FABP12: variants seen among roughly 807,000 people sequenced by gnomAD.
FABP12 encodes fatty acid-binding protein 12.
FABP12 carries 19 observed loss-of-function variants against 13.7 expected under a neutral mutation model. The observed-to-expected ratio is 1.39, with a 90% CI of 0.97 to 2.04. The LOEUF is 2.04. Among genes scored for constraint, FABP12 ranks in the 30% most tolerant of loss-of-function variants. The pLI is 0.00. For missense variants in FABP12, 182 were observed against 164.2 expected (o/e 1.11, Z -0.59); for synonymous variants, 61 against 57.0 (o/e 1.07, Z -0.32).
intron 1 of FABP12, among the ~76,000 whole-genome samples, chr8:81,561,941 A>G (rs1038540915): frequency 2.6e-5 from 4 of 152,316 alleles, no homozygotes; most frequent in Middle Eastern, 6.8e-3. Context: ...TGGGATGCAC[A>G]TGACATAGTA....
intron 1 of FABP12, among the ~76,000 whole-genome samples, chr8:81,584,270 A>G (rs1301854091): frequency 6.6e-6 from 1 of 152,202 alleles, no homozygotes; most frequent in African/African-American, 2.4e-5. Context: ...GTTAGACTGC[A>G]GGAGGTGAGT....
chr8:81,586,162 AAG>A (rs1302459863), intron 1 of FABP12, among the ~76,000 whole-genome samples: 1 of 152,166 alleles, frequency 6.6e-6, no homozygotes, highest in African/African-American at 2.4e-5. Flanking sequence ...TTTTGCTGCA[AAG>A]GACATGATCC....
intron 1 of FABP12, among the ~76,000 whole-genome samples, chr8:81,548,590 G>A (rs1809475317): frequency 6.6e-6 from 1 of 152,156 alleles, no homozygotes; most frequent in Non-Finnish European, 1.5e-5. Flanking sequence ...AATCATTTAT[G>A]AAACTTGGTA....
At chr8:81,550,478 T>C (rs897617845) in intron 1 of FABP12, among the ~76,000 whole-genome samples, 1 of 152,120 alleles carries the variant, frequency 6.6e-6, no homozygotes, top group African/African-American at 2.4e-5. Context: ...TGATGTGAAG[T>C]AGTTTAAAGC....
intron 1 of FABP12, among the ~76,000 whole-genome samples, chr8:81,572,209 T>C (rs551918189): frequency 5.6e-4 from 85 of 152,246 alleles, no homozygotes; most frequent in African/African-American, 1.9e-3. Flanking sequence ...ATACAATGCT[T>C]GGTTTTCCAT....
chr8:81,558,129 C>T (rs1279958478), intron 1 of FABP12, among the ~76,000 whole-genome samples: 1 of 152,202 alleles, frequency 6.6e-6, no homozygotes, highest in Non-Finnish European at 1.5e-5. Flanking sequence ...AACCTTGCTT[C>T]TCTACTGCGT....
At chr8:81,563,755 G>A (rs371630083) in intron 1 of FABP12, among the ~76,000 whole-genome samples, 1 of 151,920 alleles carries the variant, frequency 6.6e-6, no homozygotes, top group African/African-American at 2.4e-5. Context: ...AAAGAAAGAA[G>A]AATAATAAAG....
At chr8:81,567,781 C>G (rs1291664612) in intron 1 of FABP12, among the ~76,000 whole-genome samples, 1 of 152,152 alleles carries the variant, frequency 6.6e-6, no homozygotes, top group Non-Finnish European at 1.5e-5. Context: ...TCCACGAGGA[C>G]AGGCAATAAA....
intron 1 of FABP12, among the ~76,000 whole-genome samples, chr8:81,544,585 A>G (rs16909331): frequency 0.028 from 4,234 of 152,150 alleles, 156 homozygotes; most frequent in African/African-American, 0.088. Context: ...TGTGAGAACT[A>G]TGGGGAACAA....
At chr8:81,579,118 G>C (rs1299492893) in intron 1 of FABP12, among the ~76,000 whole-genome samples, 1 of 152,060 alleles carries the variant, frequency 6.6e-6, no homozygotes, top group Non-Finnish European at 1.5e-5. Flanking sequence ...GTGAGCCACC[G>C]CGCCCAGCCT....
chr8:81,582,669 CAT>C (rs1394973531), intron 1 of FABP12, among the ~76,000 whole-genome samples: 1 of 152,022 alleles, frequency 6.6e-6, no homozygotes, highest in South Asian at 2.1e-4. Flanking sequence ...CAATTCTAAA[CAT>C]AAATGCACCA....
upstream of FABP12, among the ~76,000 whole-genome samples, chr8:81,538,091 G>C (rs745742091): frequency 5.9e-5 from 9 of 152,180 alleles, no homozygotes; most frequent in African/African-American, 9.7e-5. Flanking sequence ...CACATGGCAA[G>C]AGCTAGAGCA....
At chr8:81,533,239 G>C (rs1361410145) in intron 1 of FABP12, 2 of 152,240 alleles carry the variant, frequency 1.3e-5, no homozygotes, top group Non-Finnish European at 2.9e-5. Flanking sequence ...CATCAGCTCA[G>C]AGACTGCCTA....
chr8:81,583,251 G>A (rs971495405), intron 1 of FABP12, among the ~76,000 whole-genome samples: 1 of 151,904 alleles, frequency 6.6e-6, no homozygotes, highest in African/African-American at 2.4e-5. Flanking sequence ...TATCAAAAAA[G>A]TAGAAATATT....
intron 1 of FABP12, among the ~76,000 whole-genome samples, chr8:81,561,649 C>T (rs141734874): frequency 6.6e-6 from 1 of 152,266 alleles, no homozygotes; most frequent in African/African-American, 2.4e-5. Flanking sequence ...AAGGAGGGCA[C>T]GGTGATTGTG....
intron 1 of FABP12, among the ~76,000 whole-genome samples, chr8:81,550,718 C>T (rs1222004404): frequency 1.3e-5 from 2 of 152,116 alleles, no homozygotes; most frequent in African/African-American, 2.4e-5. Flanking sequence ...ATAGAAATGA[C>T]AGAGGGAGCT....
At chr8:81,579,088 A>G (rs1421814505) in intron 1 of FABP12, among the ~76,000 whole-genome samples, 2 of 151,844 alleles carry the variant, frequency 1.3e-5, no homozygotes, top group Non-Finnish European at 2.9e-5. Flanking sequence ...TCTGCCTCCC[A>G]AAGTGCTGGA....
chr8:81,570,806 C>T (rs1307604433), intron 1 of FABP12, among the ~76,000 whole-genome samples: 1 of 152,092 alleles, frequency 6.6e-6, no homozygotes, highest in Non-Finnish European at 1.5e-5. Context: ...GGAGGAAGTG[C>T]GCACCAATTG....
Position 81,580,353 on chromosome 8 carries a change from C to T in FABP12, c.-185+9700G>A, listed in dbSNP as rs527381724. 3.9e-5 allele frequency among the ~76,000 whole-genome samples: 6 copies of T among 151,920 alleles called. No individual in the cohort carries two copies. In the Middle Eastern group the frequency reaches 0.01, roughly 258 times the overall value. On this transcript the variant is annotated intron_variant, in intron 1 of 5. Transcript: ENST00000692030. ...AAATAGAAACTAATACACTTACATG[C>T]CTTTAGATGAACTCTATTTTACTTT...
Sources: gnomAD v4.1 joint callset for allele counts (sites outside exome capture counted in the v4.1 genomes callset) on GRCh38, gnomAD v4.1.1 for gene constraint, MANE v1.5 for transcripts, NCBI Gene and HGNC (gene_info 2026-07-23, HGNC 2026-07-21) for gene names.